ARHGAP22: variants seen among roughly 807,000 people sequenced by gnomAD.
The protein encoded by ARHGAP22 is Rho GTPase activating protein 22.
Under a neutral mutation model 59.1 loss-of-function variants are expected in ARHGAP22, and 48 were observed. The observed-to-expected ratio is 0.81, with a 90% CI of 0.64 to 1.03. The LOEUF (loss-of-function observed/expected upper bound fraction) is 1.03, where lower values mean the gene tolerates loss of function less well. Among genes scored for constraint, ARHGAP22 ranks in the 50% least tolerant of loss-of-function variants. ARHGAP22 has a pLI of 0.00. For synonymous variants in ARHGAP22, 445 were observed against 416.4 expected (o/e 1.07, Z -0.84); for missense variants, 1,015 against 958.7 (o/e 1.06, Z -0.78).
chr10:48,610,043 A>C (rs2060823582), upstream of ARHGAP22, among the ~76,000 whole-genome samples: 2 of 152,244 alleles, frequency 1.3e-5, no homozygotes, highest in South Asian at 4.1e-4. Context: ...TCATAGAGGG[A>C]ATGGCCTTTC....
intron 1 of ARHGAP22, among the ~76,000 whole-genome samples, chr10:48,621,641 T>C (rs958155466): frequency 6.6e-6 from 1 of 152,218 alleles, no homozygotes; most frequent in Admixed American, 6.5e-5. Context: ...TGTTGGGGCA[T>C]GGAGTGGTGC....
chr10:48,536,651 T>C (rs959152452), intron 3 of ARHGAP22, among the ~76,000 whole-genome samples: 1 of 152,070 alleles, frequency 6.6e-6, no homozygotes, highest in Non-Finnish European at 1.5e-5. Flanking sequence ...ATTAGAGGGG[T>C]CATGAAATCA....
rs745726930 is a variant in ARHGAP22 at position 48,450,858 on chromosome 10, G to T, written c.1271C>A (p.Thr424Asn). Residue 424 changes from threonine to asparagine, a missense_variant, in exon 9 of 10, where the codon ACC (threonine) becomes AAC (asparagine). Coordinates refer to ENST00000249601, the MANE Select transcript of ARHGAP22 (RefSeq NM_021226.4). ...GAAGGAGGACTTCCAACTGGGCAGGGTCTGCACCTTCTTCCCAGGGCTGCA... is the reference window on the plus strand; with the variant it reads ...GAAGGAGGACTTCCAACTGGGCAGGTTCTGCACCTTCTTCCCAGGGCTGCA... ...SRCSPGKKVQTLPSWKSSFRQ... is the reference protein window; with the variant it reads ...SRCSPGKKVQNLPSWKSSFRQ... 1.9e-5 allele frequency: 30 copies of T among 1,591,330 alleles called. No homozygotes were observed. Among genetic ancestry groups the T allele is most frequent in the Non-Finnish European group, 2.5e-5 (29 of 1,169,808 alleles).
intron 3 of ARHGAP22, among the ~76,000 whole-genome samples, chr10:48,504,528 G>T (rs2051877666): frequency 6.6e-6 from 1 of 152,286 alleles, no homozygotes; most frequent in South Asian, 2.1e-4. Context: ...TCTGGGGAGG[G>T]GATCCTCTGG....
At chr10:48,555,835 T>C (rs2057274164) in intron 2 of ARHGAP22, among the ~76,000 whole-genome samples, 1 of 152,156 alleles carries the variant, frequency 6.6e-6, no homozygotes, top group Non-Finnish European at 1.5e-5. Flanking sequence ...CTCCCACCAC[T>C]GGGAGCGCCT....
intron 1 of ARHGAP22, among the ~76,000 whole-genome samples, chr10:48,632,852 G>A (rs1358813420): frequency 6.6e-6 from 1 of 152,222 alleles, no homozygotes; most frequent in Admixed American, 6.5e-5. Context: ...CTTGTTGTAA[G>A]GATGAGAGTG....
intron 7 of ARHGAP22, 113 bp downstream of exon 7, chr10:48,453,975 G>C: frequency 9.0e-7 from 1 of 1,107,738 alleles, no homozygotes; most frequent in Non-Finnish European, 1.4e-6. Flanking sequence ...GTGCAGGGTG[G>C]GGAATGACCC....
chr10:48,462,930 G>A (rs2047293441), intron 4 of ARHGAP22, among the ~76,000 whole-genome samples: 1 of 152,226 alleles, frequency 6.6e-6, no homozygotes, highest in African/African-American at 2.4e-5. Flanking sequence ...GTGACACTGA[G>A]CCCCTGCTGT....
At chr10:48,579,266 A>G (rs1471544362) in intron 2 of ARHGAP22, among the ~76,000 whole-genome samples, 2 of 152,212 alleles carry the variant, frequency 1.3e-5, no homozygotes, top group African/African-American at 4.8e-5. Flanking sequence ...GACCGAGATA[A>G]CTAGACTTAA....
chr10:48,602,285 C>T (rs908430949), intron 1 of ARHGAP22, among the ~76,000 whole-genome samples: 1 of 152,190 alleles, frequency 6.6e-6, no homozygotes, highest in African/African-American at 2.4e-5. Flanking sequence ...GACATTGACA[C>T]TCCTGCTACA....
Position 48,647,021 on chromosome 10 carries a change from A to G in ARHGAP22, c.52+5213T>C, listed in dbSNP as rs118049150. ...ATAGATTTGTATCTAGAACATGTAA[A>G]CATTCTTACCACTCTAATAAGACAG... is the stretch of plus-strand genomic sequence containing the variant. On this transcript the variant is annotated intron_variant, in intron 1 of 9. Transcript: ENST00000435790. 2.4e-4 allele frequency among the ~76,000 whole-genome samples: 36 copies of G among 152,378 alleles called. No homozygotes were observed. In the East Asian group the frequency reaches 6.7e-3, roughly 29 times the overall value.
intron 4 of ARHGAP22, among the ~76,000 whole-genome samples, chr10:48,471,677 C>T (rs1162656632): frequency 6.6e-6 from 1 of 152,206 alleles, no homozygotes; most frequent in Non-Finnish European, 1.5e-5. Flanking sequence ...CCCTTCCTCA[C>T]ATCCACAGCC....
chr10:48,591,826 A>G (rs1339347305), intron 1 of ARHGAP22, among the ~76,000 whole-genome samples: 3 of 152,066 alleles, frequency 2.0e-5, no homozygotes, highest in Non-Finnish European at 4.4e-5. Flanking sequence ...GTGAGTCGAG[A>G]TTGCATCACT....
At chr10:48,631,235 C>T (rs1482581495) in intron 1 of ARHGAP22, among the ~76,000 whole-genome samples, 1 of 152,098 alleles carries the variant, frequency 6.6e-6, no homozygotes, top group African/African-American at 2.4e-5. Flanking sequence ...TTGTTTACAT[C>T]TATATTCATA....
intron 3 of ARHGAP22, among the ~76,000 whole-genome samples, chr10:48,504,551 G>C (rs1346373718): frequency 6.6e-6 from 1 of 152,196 alleles, no homozygotes; most frequent in Non-Finnish European, 1.5e-5. Context: ...GAGAACTCAG[G>C]AACAGCAGGG....
intron 1 of ARHGAP22, among the ~76,000 whole-genome samples, chr10:48,585,353 G>A (rs11813614): frequency 6.1e-4 from 93 of 152,108 alleles, no homozygotes; most frequent in African/African-American, 1.9e-3. Flanking sequence ...GGGCCTTCAC[G>A]GCCTCCATAC....
At chr10:48,651,155 G>A (rs182598690) in intron 1 of ARHGAP22, among the ~76,000 whole-genome samples, 95 of 152,240 alleles carry the variant, frequency 6.2e-4, no homozygotes, top group African/African-American at 2.2e-3. Flanking sequence ...AATTAAACCT[G>A]CATCTCTGGA....
intron 1 of ARHGAP22, among the ~76,000 whole-genome samples, chr10:48,632,380 A>C (rs1333652031): frequency 6.6e-6 from 1 of 152,224 alleles, no homozygotes; most frequent in African/African-American, 2.4e-5. Flanking sequence ...GTTTTATTGC[A>C]GCAGTTTTAA....
upstream of ARHGAP22, among the ~76,000 whole-genome samples, chr10:48,609,405 T>G (rs529450723): frequency 6.6e-6 from 1 of 152,238 alleles, no homozygotes; most frequent in Non-Finnish European, 1.5e-5. Context: ...CCTTCTAAGC[T>G]CATTTCCCTT....
Sources: allele counts gnomAD v4.1 joint callset (sites outside exome capture counted in the v4.1 genomes callset), GRCh38; gene constraint gnomAD v4.1.1; transcripts MANE v1.5; gene names NCBI Gene and HGNC (gene_info 2026-07-23, HGNC 2026-07-21).